Variants in FRMD8 observed in about 807,000 individuals in gnomAD.
FRMD8 encodes the protein FERM domain-containing protein 8.
Under a neutral mutation model 54.2 loss-of-function variants are expected in FRMD8, and 37 were observed. The observed-to-expected ratio is 0.68, with a 90% confidence interval of 0.53 to 0.90. The LOEUF is 0.90. Ranked by LOEUF, FRMD8 falls within the 40% of genes least tolerant of loss-of-function variation. FRMD8 has a pLI of 0.00. For missense variants in FRMD8, 585 were observed against 653.7 expected (o/e 0.89, Z 1.15); for synonymous variants, 246 against 286.9 (o/e 0.86, Z 1.44).
intron 6 of FRMD8, 136 bp downstream of exon 6, chr11:65,394,561 A>G (rs1178540243): frequency 1.9e-6 from 2 of 1,075,314 alleles, no homozygotes; most frequent in Non-Finnish European, 2.6e-6. Context: ...CCGCAGGCTC[A>G]CTCTGGCCCT....
chr11:65,373,513 G>A, the FRMD8 span, among the ~76,000 whole-genome samples: 2 of 152,186 alleles, frequency 1.3e-5, no homozygotes, highest in Non-Finnish European at 2.9e-5. Flanking sequence ...AGATTCCTGC[G>A]CCCCATCCTC....
chr11:65,377,265 GC>G, the FRMD8 span: 1 of 1,420,754 alleles, frequency 7.0e-7, no homozygotes, highest in Non-Finnish European at 9.2e-7. Context: ...ACCGGGACAG[GC>G]CACCTCCCTT....
the FRMD8 span, among the ~76,000 whole-genome samples, chr11:65,368,398 C>T: frequency 6.6e-6 from 1 of 151,458 alleles, no homozygotes. Flanking sequence ...TTTGCAGAGA[C>T]GGGGGTCTCG....
At chr11:65,390,694 G>A (rs1456987802) in intron 3 of FRMD8, among the ~76,000 whole-genome samples, 4 of 152,160 alleles carry the variant, frequency 2.6e-5, no homozygotes, top group African/African-American at 9.7e-5. Context: ...CGGGCCTCGA[G>A]TCAGGACTGT....
intron 9 of FRMD8, among the ~76,000 whole-genome samples, chr11:65,401,430 C>G (rs559348512): frequency 4.2e-5 from 6 of 141,204 alleles, no homozygotes; most frequent in African/African-American, 1.3e-4. Context: ...TCACATCAGA[C>G]GCCCCTCCCT....
chr11:65,391,412 C>T (rs2137873105), intron 3 of FRMD8, among the ~76,000 whole-genome samples: 1 of 152,288 alleles, frequency 6.6e-6, no homozygotes. Flanking sequence ...GTGCTTGTTC[C>T]ACAAGGACGT....
In FRMD8 at chr11:65,411,237, C is replaced by T. The variant is rs1456650471; in HGVS notation, c.1277-5C>T. ...TGCTCAGTGTGCCCTCCCATTCCCT[C>T]GCAGGCAAGGGGATCAGGCGAGTGA... On this transcript the variant is annotated splice_polypyrimidine_tract_variant and splice_region_variant and intron_variant, in intron 10 of 10. Coordinates refer to ENST00000317568, the MANE Select transcript of FRMD8 (RefSeq NM_031904.5). 4.4e-6 allele frequency: 7 copies of T among 1,600,894 alleles called. No individual in the cohort carries two copies. The highest frequency in any genetic ancestry group is 2.2e-5 in the South Asian group (2 of 89,880).
Position 65,404,899 on chromosome 11 carries a change from C to G in FRMD8, c.1107C>G (p.Ile369Met). 1 of 1,613,218 alleles carries G rather than the reference C, an allele frequency of 6.2e-7. No homozygotes were observed. Among genetic ancestry groups the G allele is most frequent in the Middle Eastern group, 1.7e-4 (1 of 6,056 alleles). The change falls in exon 10 of 11, where the codon ATC (isoleucine) becomes ATG (methionine). Residue 369 changes from isoleucine (I) to methionine (M), a missense_variant. Transcript: ENST00000317568. This position sits in a 1 kb window ranked among gnomAD's most constrained non-coding sequence, Gnocchi z 4.7. Reference sequence around the variant, plus strand: ...TGAGCAGTCTCATTGAGTACTGCATCGAACTGAGCCAGGCGGCGGAGCCCG... The same window carrying G: ...TGAGCAGTCTCATTGAGTACTGCATGGAACTGAGCCAGGCGGCGGAGCCCG... The part of the protein sequence containing the change: ...ELMSSLIEYC[I>M]ELSQAAEPAG...
chr11:65,397,725 G>T (rs755264366), intron 7 of FRMD8, among the ~76,000 whole-genome samples: 1 of 152,058 alleles, frequency 6.6e-6, no homozygotes, highest in Non-Finnish European at 1.5e-5. Flanking sequence ...TTTTGTTTTT[G>T]TTTTGAGACA....
chr11:65,368,627 A>G, the FRMD8 span, among the ~76,000 whole-genome samples: 12 of 151,964 alleles, frequency 7.9e-5, no homozygotes, highest in East Asian at 2.1e-3. Flanking sequence ...GCAGTGGCGC[A>G]ATCTCGGCTC....
chr11:65,383,883 GAGGGT>G (rs1471779967), upstream of FRMD8, among the ~76,000 whole-genome samples: 2 of 152,092 alleles, frequency 1.3e-5, no homozygotes, highest in African/African-American at 4.8e-5. Flanking sequence ...TGTCTAGGCA[GAGGGT>G]AAGGTGAACC....
At chr11:65,371,768 C>T in the FRMD8 span, among the ~76,000 whole-genome samples, 1 of 152,158 alleles carries the variant, frequency 6.6e-6, no homozygotes, top group Non-Finnish European at 1.5e-5. Context: ...GTGCGTGCCA[C>T]CATGCCCGGC....
the FRMD8 span, among the ~76,000 whole-genome samples, chr11:65,374,849 C>T: frequency 6.6e-6 from 1 of 152,044 alleles, no homozygotes; most frequent in Admixed American, 6.6e-5. Context: ...CACCTGTAGT[C>T]CCAGCTACTC....
intron 2 of FRMD8, among the ~76,000 whole-genome samples, chr11:65,388,139 G>C (rs1378646952): frequency 6.6e-6 from 1 of 151,744 alleles, no homozygotes. Context: ...ACTCCAGCCT[G>C]GGCAACGAGG....
At chr11:65,379,616 C>T in the FRMD8 span, 1 of 1,517,922 alleles carries the variant, frequency 6.6e-7, no homozygotes. Flanking sequence ...CCCCTTTGTC[C>T]TCTCCACCCC....
chr11:65,386,801 G>T, intron 1 of FRMD8, 40 bp downstream of exon 1: 1 of 540,718 alleles, frequency 1.8e-6, no homozygotes, highest in Non-Finnish European at 3.2e-6. Context: ...CTCCGTCCCC[G>T]GCTGGGCGTG....
At chr11:65,396,320 T>TG (rs1195076651) in intron 6 of FRMD8, among the ~76,000 whole-genome samples, 1 of 152,146 alleles carries the variant, frequency 6.6e-6, no homozygotes, top group Non-Finnish European at 1.5e-5. Context: ...TGGATGGAGA[T>TG]GCAGGCATCT....
intron 10 of FRMD8, among the ~76,000 whole-genome samples, chr11:65,409,001 T>C (rs1856270201): frequency 1.3e-5 from 2 of 152,162 alleles, no homozygotes; most frequent in South Asian, 4.1e-4. Context: ...AGATGGTGTC[T>C]GCCTCCCATG....
At chr11:65,391,909 T>G (rs1855853492) in intron 3 of FRMD8, among the ~76,000 whole-genome samples, 2 of 152,150 alleles carry the variant, frequency 1.3e-5, no homozygotes, top group African/African-American at 4.8e-5. Flanking sequence ...CCTCAGGCAC[T>G]GTGCCTTCCC....
Sources: gnomAD v4.1 joint callset for allele counts (sites outside exome capture counted in the v4.1 genomes callset) on GRCh38, gnomAD v4.1.1 for gene constraint, Gnocchi (gnomAD v3.1) non-coding constraint, MANE v1.5 for transcripts, NCBI Gene and HGNC (gene_info 2026-07-23, HGNC 2026-07-21) for gene names.